The following KRT8 variants were observed in gnomAD, a reference collection of about 807,000 sequenced individuals.
KRT8 encodes the protein keratin 8.
In KRT8, 24 loss-of-function variants were observed where a neutral mutation model predicts 43.0. The observed-to-expected ratio is 0.56, with a 90% CI of 0.40 to 0.78. KRT8 has a LOEUF of 0.78. KRT8 is among the 30% of genes least tolerant of loss of function. The probability of loss-of-function intolerance (pLI) is 0.00; values close to 1 mark genes in which losing one functional copy is unlikely to be tolerated. For synonymous variants in KRT8, 214 were observed against 261.2 expected (o/e 0.82, Z 1.74); for missense variants, 492 against 638.4 (o/e 0.77, Z 2.47).
intron 2 of KRT8, among the ~76,000 whole-genome samples, chr12:52,939,225 G>C (rs1942228011): frequency 6.6e-6 from 1 of 152,308 alleles, no homozygotes; most frequent in Non-Finnish European, 1.5e-5. Context: ...AATAAACTTG[G>C]CCAGGCATGG....
upstream of KRT8, chr12:52,906,703 G>A (rs1283342336): frequency 2.2e-6 from 1 of 455,946 alleles, no homozygotes; most frequent in South Asian, 1.5e-5. Flanking sequence ...TGTGGGGACT[G>A]GATGAAACTG....
At chr12:52,899,841 A>G (rs1342059036) in exon 5 of KRT8, 2 of 1,611,902 alleles carry the variant, frequency 1.2e-6, no homozygotes, top group Admixed American at 1.7e-5. Context: ...CAGAGATCTC[A>G]GTCTTTGTGC....
chr12:52,904,749 A>T (rs1941468677), exon 1 of KRT8: 1 of 1,612,610 alleles, frequency 6.2e-7, no homozygotes, highest in South Asian at 1.1e-5. Context: ...GTCCACCTCC[A>T]GGACAAGGGG....
intron 2 of KRT8, among the ~76,000 whole-genome samples, chr12:52,917,003 G>C (rs932027826): frequency 2.0e-5 from 3 of 152,174 alleles, no homozygotes; most frequent in Non-Finnish European, 4.4e-5. Context: ...TGTGACCCAA[G>C]GGATATAACC....
chr12:52,927,882 C>G (rs1942020339), intron 2 of KRT8, among the ~76,000 whole-genome samples: 1 of 152,196 alleles, frequency 6.6e-6, no homozygotes, highest in Admixed American at 6.5e-5. Context: ...AGTTCGAAAT[C>G]AGCCTGGCCA....
chr12:52,901,029 CA>C, intron 3 of KRT8, 129 bp downstream of exon 3: 1 of 792,634 alleles, frequency 1.3e-6, no homozygotes, highest in South Asian at 1.4e-5. Context: ...TCTGTGCACC[CA>C]AATGTTTACA....
intron 2 of KRT8, among the ~76,000 whole-genome samples, chr12:52,930,569 T>C (rs1942067031): frequency 6.6e-6 from 1 of 151,816 alleles, no homozygotes. Flanking sequence ...GTTCTTTTTT[T>C]CCTTTTTTTG....
At chr12:52,901,339 G>A in intron 2 of KRT8, 120 bp from the exon 3 acceptor site, 1 of 773,994 alleles carries the variant, frequency 1.3e-6, no homozygotes, top group Non-Finnish European at 2.3e-6. Flanking sequence ...TGCAGGATAT[G>A]AGAAGGCTGG....
intron 2 of KRT8, among the ~76,000 whole-genome samples, chr12:52,934,388 T>C (rs1942132356): frequency 6.6e-6 from 1 of 151,198 alleles, no homozygotes; most frequent in Admixed American, 6.6e-5. Context: ...GGTGAAACCC[T>C]GTCTCTACTA....
intron 2 of KRT8, chr12:52,949,102 C>A: frequency 7.5e-7 from 1 of 1,333,772 alleles, no homozygotes; most frequent in Non-Finnish European, 1.0e-6. Context: ...TAACTCGGGT[C>A]GCGCGGCTCG....
intron 2 of KRT8, among the ~76,000 whole-genome samples, chr12:52,944,775 G>A (rs1186324008): frequency 2.6e-5 from 4 of 152,232 alleles, no homozygotes; most frequent in African/African-American, 7.2e-5. Flanking sequence ...GGCATTCCTC[G>A]ACTCTCCCAC....
chr12:52,933,652 T>C (rs948517828), intron 2 of KRT8, among the ~76,000 whole-genome samples: 32 of 152,188 alleles, frequency 2.1e-4, no homozygotes, highest in African/African-American at 7.5e-4. Context: ...GAGACGGAGT[T>C]ATGCTCTTTT....
At chr12:52,924,292 C>T (rs1941946903) in intron 2 of KRT8, among the ~76,000 whole-genome samples, 1 of 151,610 alleles carries the variant, frequency 6.6e-6, no homozygotes, top group South Asian at 2.1e-4. Context: ...ACTAAAAATA[C>T]AAAAAAATTA....
At chr12:52,943,383 C>G (rs1051305764) in intron 2 of KRT8, among the ~76,000 whole-genome samples, 1 of 151,642 alleles carries the variant, frequency 6.6e-6, no homozygotes, top group African/African-American at 2.4e-5. Flanking sequence ...TTCCTTGAAC[C>G]TCATTCTTCT....
upstream of KRT8, among the ~76,000 whole-genome samples, chr12:52,908,029 GA>G (rs2120599918): frequency 6.6e-6 from 1 of 152,324 alleles, no homozygotes; most frequent in South Asian, 2.1e-4. Context: ...CTTTCCTGGA[GA>G]GTGAACCAGG....
chr12:52,926,353 GGAC>G, intron 2 of KRT8: 1 of 401,372 alleles, frequency 2.5e-6, no homozygotes. Flanking sequence ...CCCACCCCCA[GGAC>G]TGTGCCCTCC....
chr12:52,920,335 C>T (rs961923321), intron 2 of KRT8, among the ~76,000 whole-genome samples: 1 of 151,738 alleles, frequency 6.6e-6, no homozygotes, highest in African/African-American at 2.4e-5. Flanking sequence ...CGGTGGCTCA[C>T]GCCTGTAATC....
At chr12:52,916,038 G>A (rs1941733962) in intron 2 of KRT8, among the ~76,000 whole-genome samples, 2 of 152,200 alleles carry the variant, frequency 1.3e-5, no homozygotes, top group African/African-American at 4.8e-5. Context: ...GAAAGATCTG[G>A]AAATGTGATA....
chr12:52,903,803 A>T (rs1441376110), intron 1 of KRT8, among the ~76,000 whole-genome samples: 1 of 151,934 alleles, frequency 6.6e-6, no homozygotes, highest in Non-Finnish European at 1.5e-5. Flanking sequence ...GCAGACTTTG[A>T]ATCCTGCATG....
Sources: gnomAD v4.1 joint callset for allele counts (sites outside exome capture counted in the v4.1 genomes callset) on GRCh38, gnomAD v4.1.1 for gene constraint, MANE v1.5 for transcripts, NCBI Gene and HGNC (gene_info 2026-07-23, HGNC 2026-07-21) for gene names.